The following RAI14 variants were observed in gnomAD, a reference collection of about 807,000 sequenced individuals.
RAI14 encodes the protein retinoic acid induced 14.
Under a neutral mutation model 115.4 loss-of-function variants are expected in RAI14, and 45 were observed. The ratio of observed to expected loss-of-function variants is 0.39; its 90% CI spans 0.31 to 0.50. The LOEUF (loss-of-function observed/expected upper bound fraction) is 0.50, where lower values mean the gene tolerates loss of function less well. Ranked by LOEUF, RAI14 falls within the 20% of genes least tolerant of loss-of-function variation. RAI14 has a pLI of 0.85. For missense variants in RAI14, 939 were observed against 1,131.2 expected (o/e 0.83, Z 2.44); for synonymous variants, 371 against 415.4 (o/e 0.89, Z 1.30).
intron 2 of RAI14, among the ~76,000 whole-genome samples, chr5:34,718,890 C>T (rs994744658): frequency 5.3e-5 from 8 of 152,200 alleles, no homozygotes; most frequent in African/African-American, 1.9e-4. Flanking sequence ...CACTTCTTGC[C>T]TACTCTCCCC....
chr5:34,743,602 T>G (rs1186890692), intron 2 of RAI14, among the ~76,000 whole-genome samples: 1 of 152,178 alleles, frequency 6.6e-6, no homozygotes, highest in African/African-American at 2.4e-5. Flanking sequence ...TACATGTACG[T>G]AGGGCTAGCC....
At chr5:34,687,765 G>A (rs1738035324) in intron 2 of RAI14, 2 of 1,540,548 alleles carry the variant, frequency 1.3e-6, no homozygotes, top group South Asian at 1.2e-5. Flanking sequence ...ATCATTTCAG[G>A]CGAGGTAATT....
Position 34,807,780 on chromosome 5 carries a change from T to C in RAI14, c.322-20T>C. 2 of 1,572,730 alleles carry C rather than the reference T, an allele frequency of 1.3e-6. 1 individual carries two copies. On this transcript the variant is annotated intron_variant, in intron 5 of 17. Transcript: ENST00000265109. ...GGCAGGGTATTTTATTATATGGATG[T>C]ATTTATTTTTGTCTTATAGTCTAAA... is the stretch of plus-strand genomic sequence containing the variant.
chr5:34,713,594 C>A (rs899237462), intron 2 of RAI14, among the ~76,000 whole-genome samples: 1 of 152,142 alleles, frequency 6.6e-6, no homozygotes, highest in African/African-American at 2.4e-5. Flanking sequence ...AAGATAATGT[C>A]TCACTGTGTT....
chr5:34,749,869 C>T (rs1746764834), intron 2 of RAI14, among the ~76,000 whole-genome samples: 1 of 152,094 alleles, frequency 6.6e-6, no homozygotes, highest in South Asian at 2.1e-4. Flanking sequence ...GAAAAGTGAG[C>T]CATATTCAAT....
chr5:34,794,373 A>G (rs1007872160), intron 3 of RAI14, among the ~76,000 whole-genome samples: 10 of 152,254 alleles, frequency 6.6e-5, no homozygotes, highest in African/African-American at 2.4e-4. Flanking sequence ...CAGTGAGCCA[A>G]GATCATGCCA....
At chr5:34,803,506 A>G (rs1359433685) in intron 4 of RAI14, among the ~76,000 whole-genome samples, 1 of 152,136 alleles carries the variant, frequency 6.6e-6, no homozygotes, top group Non-Finnish European at 1.5e-5. Context: ...GCAGAGAGCC[A>G]TGATCGCGTC....
intron 2 of RAI14, among the ~76,000 whole-genome samples, chr5:34,725,484 A>ACT (rs1743326186): frequency 6.6e-6 from 1 of 151,328 alleles, no homozygotes; most frequent in South Asian, 2.1e-4. Context: ...AAGAGGGAAG[A>ACT]CTCTCCCACC....
Position 34,818,853 on chromosome 5 carries a change from T to C in RAI14, c.994+2T>C. On this transcript the variant is annotated splice_donor_variant, in intron 13 of 17. Coordinates refer to ENST00000265109, the MANE Select transcript of RAI14 (RefSeq NM_015577.3). LOFTEE classifies it high-confidence loss of function. ...ACAGACTAAGTGACAGTACTACAGG[T>C]AAGACAAGGAAGCATCTGTTTTTTT... The C allele has an allele frequency of 6.3e-7, 1 of 1,599,518 alleles. No individual in the cohort carries two copies. Among genetic ancestry groups the C allele is most frequent in the Non-Finnish European group, 8.5e-7 (1 of 1,174,156 alleles).
rs546989878 is a variant in RAI14 at position 34,791,083 on chromosome 5, G to A, written c.168-4856G>A. ...TTACATTTTACAAATTACATGGATG[G>A]TTGGGTTGGTAAGAAGTATGTGAAT... On this transcript the variant is annotated intron_variant, in intron 3 of 17. Transcript: ENST00000265109. The surrounding 1 kb of genome is among the most constrained non-coding windows in gnomAD (Gnocchi z 5.4). Among the ~76,000 whole-genome samples, 3 of 152,214 alleles carry A rather than the reference G, an allele frequency of 2.0e-5. No homozygotes were observed. In the South Asian group the frequency reaches 6.2e-4, roughly 32 times the overall value.
At chr5:34,740,821 C>T (rs1467308663) in intron 2 of RAI14, among the ~76,000 whole-genome samples, 2 of 152,154 alleles carry the variant, frequency 1.3e-5, no homozygotes, top group Non-Finnish European at 2.9e-5. Context: ...TGGATATTAG[C>T]GTTTATTTTG....
At chr5:34,828,441 CATAA>C (rs1757667810) in intron 16 of RAI14, among the ~76,000 whole-genome samples, 1 of 152,028 alleles carries the variant, frequency 6.6e-6, no homozygotes, top group Non-Finnish European at 1.5e-5. Context: ...AAGATAAAAT[CATAA>C]ATAATTGAGT....
chr5:34,816,364 A>G (rs1313108381), intron 12 of RAI14, among the ~76,000 whole-genome samples: 2 of 152,222 alleles, frequency 1.3e-5, no homozygotes, highest in African/African-American at 4.8e-5. Flanking sequence ...TCAAAGAGAC[A>G]GAAACTTGTG....
intron 2 of RAI14, among the ~76,000 whole-genome samples, chr5:34,740,998 T>G (rs2150046756): frequency 6.6e-6 from 1 of 152,330 alleles, no homozygotes; most frequent in African/African-American, 2.4e-5. Flanking sequence ...CGTGCTCATA[T>G]GTGTGTAGTA....
chr5:34,701,266 C>A (rs930743526), intron 2 of RAI14, among the ~76,000 whole-genome samples: 4 of 152,082 alleles, frequency 2.6e-5, no homozygotes, highest in Non-Finnish European at 5.9e-5. Flanking sequence ...AATATTTTAC[C>A]CTAAAATATG....
intron 12 of RAI14, among the ~76,000 whole-genome samples, chr5:34,816,768 G>GT: frequency 6.6e-6 from 1 of 151,900 alleles, no homozygotes; most frequent in South Asian, 2.1e-4. Flanking sequence ...GAATTTCTAT[G>GT]TAAGACAAGG....
intron 3 of RAI14, among the ~76,000 whole-genome samples, chr5:34,773,756 G>T (rs926212297): frequency 7.2e-5 from 11 of 152,136 alleles, no homozygotes; most frequent in Non-Finnish European, 1.3e-4. Flanking sequence ...AAAAATAACA[G>T]ATTCTGGAAG....
chr5:34,760,211 G>C (rs1382219582), intron 3 of RAI14, among the ~76,000 whole-genome samples: 2 of 152,078 alleles, frequency 1.3e-5, no homozygotes, highest in African/African-American at 2.4e-5. Context: ...ACCACACCCA[G>C]CTAATTTTTG....
At chr5:34,701,623 T>C (rs1285400349) in intron 2 of RAI14, among the ~76,000 whole-genome samples, 1 of 152,164 alleles carries the variant, frequency 6.6e-6, no homozygotes, top group African/African-American at 2.4e-5. Flanking sequence ...CTTACAGTTG[T>C]CAAACTGATG....
Sources: gnomAD v4.1 joint callset for allele counts (sites outside exome capture counted in the v4.1 genomes callset) on GRCh38, gnomAD v4.1.1 for gene constraint, Gnocchi (gnomAD v3.1) non-coding constraint, MANE v1.5 for transcripts, NCBI Gene and HGNC (gene_info 2026-07-23, HGNC 2026-07-21) for gene names.